The following UBE2E2 variants were observed in gnomAD, a reference collection of about 807,000 sequenced individuals.
UBE2E2 encodes the protein ubiquitin conjugating enzyme E2 E2.
In UBE2E2, 6 loss-of-function variants were observed where a neutral mutation model predicts 24.7. That is an observed-to-expected ratio of 0.24 (90% confidence interval 0.13 to 0.48). The LOEUF is 0.48. Among genes scored for constraint, UBE2E2 ranks in the 20% least tolerant of loss-of-function variants. The pLI is 0.99. For synonymous variants in UBE2E2, 104 were observed against 83.6 expected (o/e 1.24, Z -1.33); for missense variants, 169 against 245.0 (o/e 0.69, Z 2.07).
At chr3:23,537,601 T>C (rs965526323) in intron 5 of UBE2E2, among the ~76,000 whole-genome samples, 5 of 152,224 alleles carry the variant, frequency 3.3e-5, no homozygotes, top group African/African-American at 1.2e-4. Context: ...CCAGTGGCTC[T>C]TTTATAGTGA....
At chr3:23,358,942 G>A (rs1696039601) in intron 3 of UBE2E2, among the ~76,000 whole-genome samples, 1 of 152,136 alleles carries the variant, frequency 6.6e-6, no homozygotes, top group African/African-American at 2.4e-5. Flanking sequence ...AGGGTACCTA[G>A]CCACAAAGTG....
intron 5 of UBE2E2, among the ~76,000 whole-genome samples, chr3:23,547,039 G>T (rs1695540679): frequency 6.6e-6 from 1 of 152,022 alleles, no homozygotes; most frequent in African/African-American, 2.4e-5. Flanking sequence ...ATATTTTATT[G>T]CAAATTGACT....
At chr3:23,219,181 C>T (rs1159159518) in intron 3 of UBE2E2, among the ~76,000 whole-genome samples, 2 of 152,112 alleles carry the variant, frequency 1.3e-5, no homozygotes, top group Admixed American at 1.3e-4. Context: ...TTTATTGATT[C>T]TAAAACAGTT....
rs541695624 is a variant in UBE2E2, at chr3:23,435,916, T to G, written c.228-63692T>G. Among the ~76,000 whole-genome samples, 46 of 152,214 alleles carry G rather than the reference T, an allele frequency of 3.0e-4. No homozygotes were observed. The South Asian group carries it at 6.6e-3, about 22-fold the overall frequency. On this transcript the variant is annotated intron_variant, in intron 3 of 5. Coordinates refer to ENST00000396703, the MANE Select transcript of UBE2E2 (RefSeq NM_152653.4). ...ATTCCACGGCAGGGGCGGGGCAGGC[T>G]GGTTTGGGGATGAAACTCTTCTGCC...
intron 3 of UBE2E2, among the ~76,000 whole-genome samples, chr3:23,310,606 G>A (rs563238594): frequency 5.9e-5 from 9 of 152,230 alleles, no homozygotes; most frequent in African/African-American, 1.7e-4. Flanking sequence ...ACCTTGAGCC[G>A]GGCATTATGG....
In UBE2E2 at chr3:23,522,523, C is replaced by T. The variant is rs145806544; in HGVS notation, c.361-10031C>T. Among the ~76,000 whole-genome samples the T allele has an allele frequency of 4.6e-3, 693 of 152,248 alleles. 5 individuals are homozygous for T. Among genetic ancestry groups the T allele is most frequent in the Middle Eastern group, 0.014 (4 of 294 alleles). On this transcript the variant is annotated intron_variant, in intron 4 of 5. Transcript: ENST00000396703. ...AAAGACTTGTTAAAATCTAAGCCTT[C>T]AAATAGTGAGTTTGTACTCTTAGAG... is the stretch of plus-strand genomic sequence containing the variant.
chr3:23,532,078 A>G (rs1695135741), intron 4 of UBE2E2, among the ~76,000 whole-genome samples: 2 of 150,354 alleles, frequency 1.3e-5, no homozygotes, highest in Non-Finnish European at 1.5e-5. Flanking sequence ...AAAAAAAAAG[A>G]AAAAAAAACT....
intron 3 of UBE2E2, among the ~76,000 whole-genome samples, chr3:23,454,641 TC>T (rs1346124843): frequency 3.8e-4 from 58 of 152,322 alleles, no homozygotes; most frequent in Non-Finnish European, 7.2e-4. Context: ...CTTTCTTCCA[TC>T]CGTGTGTGAT....
chr3:23,539,846 C>T (rs1430137755), intron 5 of UBE2E2, among the ~76,000 whole-genome samples: 5 of 151,756 alleles, frequency 3.3e-5, no homozygotes, highest in Admixed American at 2.6e-4. Context: ...TAAGTGAAGA[C>T]GTAATAATTT....
At chr3:23,508,926 C>G (rs576146460) in intron 4 of UBE2E2, among the ~76,000 whole-genome samples, 1 of 152,316 alleles carries the variant, frequency 6.6e-6, no homozygotes, top group East Asian at 1.9e-4. Flanking sequence ...AAAGGTTCAA[C>G]TCACTTACCA....
At chr3:23,319,833 AAAC>A (rs965616320) in intron 3 of UBE2E2, among the ~76,000 whole-genome samples, 2 of 151,690 alleles carry the variant, frequency 1.3e-5, no homozygotes, top group African/African-American at 4.8e-5. Flanking sequence ...GAACAACAAA[AAAC>A]AAAAAACAAA....
At chr3:23,485,347 C>T (rs538399795) in intron 3 of UBE2E2, among the ~76,000 whole-genome samples, 2 of 152,196 alleles carry the variant, frequency 1.3e-5, no homozygotes, top group Admixed American at 6.5e-5. Context: ...CCACCCACCT[C>T]GGTCCTCCCA....
chr3:23,271,403 C>T (rs56073726), intron 3 of UBE2E2, among the ~76,000 whole-genome samples: 7,242 of 152,212 alleles, frequency 0.048, 267 homozygotes, highest in Non-Finnish European at 0.071. Context: ...AAAGAATGAG[C>T]AGCAGCAAGA....
At chr3:23,436,018 G>T (rs1698172939) in intron 3 of UBE2E2, among the ~76,000 whole-genome samples, 1 of 152,072 alleles carries the variant, frequency 6.6e-6, no homozygotes, top group African/African-American at 2.4e-5. Context: ...TTCACAATAG[G>T]ATCCCCACTG....
chr3:23,353,151 T>C (rs1040409131), intron 3 of UBE2E2, among the ~76,000 whole-genome samples: 1 of 152,184 alleles, frequency 6.6e-6, no homozygotes, highest in Admixed American at 6.5e-5. Flanking sequence ...ATTATCTCAA[T>C]ATATGCAGAA....
intron 5 of UBE2E2, among the ~76,000 whole-genome samples, chr3:23,560,711 C>T (rs1295090041): frequency 2.0e-5 from 3 of 152,068 alleles, no homozygotes; most frequent in Non-Finnish European, 4.4e-5. Context: ...TATTTCTTCA[C>T]ATCCTCTCCA....
chr3:23,401,101 C>T (rs1199784189), intron 3 of UBE2E2, among the ~76,000 whole-genome samples: 3 of 152,108 alleles, frequency 2.0e-5, no homozygotes, highest in Non-Finnish European at 4.4e-5. Flanking sequence ...GCTTGAGTGT[C>T]TTAGAAGGAA....
Position 23,439,862 on chromosome 3 carries a change from A to G in UBE2E2, c.228-59746A>G, listed in dbSNP as rs1253430984. On this transcript the variant is annotated intron_variant, in intron 3 of 5. Transcript: ENST00000396703. ...ATTAGCCCATTTTGTGTTTTAACCT[A>G]TACAGTTTGAGGAACAAGAAACCTA... Among the ~76,000 whole-genome samples the G allele has an allele frequency of 3.9e-5, 6 of 152,092 alleles. No individual in the cohort carries two copies. In the South Asian group the frequency reaches 1.0e-3, roughly 26 times the overall value.
intron 3 of UBE2E2, among the ~76,000 whole-genome samples, chr3:23,302,869 G>A (rs1290626814): frequency 6.6e-6 from 1 of 152,182 alleles, no homozygotes; most frequent in Non-Finnish European, 1.5e-5. Context: ...CTGTTCTAGA[G>A]TAGTAACTAA....
Sources: gnomAD v4.1 joint callset for allele counts (sites outside exome capture counted in the v4.1 genomes callset) on GRCh38, gnomAD v4.1.1 for gene constraint, MANE v1.5 for transcripts, NCBI Gene and HGNC (gene_info 2026-07-23, HGNC 2026-07-21) for gene names.